The following PCDH11X variants were observed in gnomAD, a reference collection of about 807,000 sequenced individuals.
The protein encoded by PCDH11X is protocadherin-11 X-linked.
Under a neutral mutation model 53.3 loss-of-function variants are expected in PCDH11X, and 18 were observed. That is an observed-to-expected ratio of 0.34 (90% CI 0.23 to 0.50). The LOEUF (loss-of-function observed/expected upper bound fraction) is 0.50. Among genes scored for constraint, PCDH11X ranks in the 20% least tolerant of loss-of-function variants. The pLI is 0.98. For synonymous variants in PCDH11X, 279 were observed against 393.3 expected, an observed-to-expected ratio of 0.71 and a Z score of 3.44; for missense variants, 570 against 1,032.4, an observed-to-expected ratio of 0.55 and a Z score of 6.14.
Position 91,816,185 on chromosome X carries a change from G to A in PCDH11X, c.-45+4890G>A, listed in dbSNP as rs757516878. Among the ~76,000 whole-genome samples the A allele has an allele frequency of 5.4e-5, 6 of 111,364 alleles. No homozygotes were observed. The South Asian group carries it at 1.9e-3, about 35-fold the overall frequency. On this transcript the variant is annotated intron_variant, in intron 4 of 10. Coordinates refer to ENST00000682573, the MANE Select transcript of PCDH11X (RefSeq NM_032968.5). Reference sequence around the variant, plus strand: ...AAATGCCTATATAAGTTTGTTTTATGTATAATTATGTAATAAATTCTGAAA... The same window carrying A: ...AAATGCCTATATAAGTTTGTTTTATATATAATTATGTAATAAATTCTGAAA...
chrX:92,104,872 G>A (rs1005208303), intron 6 of PCDH11X, among the ~76,000 whole-genome samples: 18 of 110,509 alleles, frequency 1.6e-4, no homozygotes, highest in South Asian at 4.0e-4. Context: ...AGGTTGGGGC[G>A]TGGAAATAAG....
At chrX:92,163,317 A>G (rs1479817002) in intron 6 of PCDH11X, among the ~76,000 whole-genome samples, 1 of 109,370 alleles carries the variant, frequency 9.1e-6, no homozygotes, top group Non-Finnish European at 1.9e-5. Flanking sequence ...TCGATTCTGC[A>G]TACCAGATTC....
At chrX:92,012,425 C>T (rs367671026) in intron 6 of PCDH11X, among the ~76,000 whole-genome samples, 2 of 111,235 alleles carry the variant, frequency 1.8e-5, no homozygotes, top group East Asian at 5.6e-4. Flanking sequence ...TTGTAATTGG[C>T]TTCTGTAAGA....
chrX:91,904,279 G>A (rs1474553166), intron 6 of PCDH11X, among the ~76,000 whole-genome samples: 1 of 109,950 alleles, frequency 9.1e-6, no homozygotes, highest in Non-Finnish European at 1.9e-5. Flanking sequence ...ATAAGTAAAT[G>A]GATATTTAGC....
At chrX:92,122,346 A>G (rs1453195715) in intron 6 of PCDH11X, among the ~76,000 whole-genome samples, 1 of 111,370 alleles carries the variant, frequency 9.0e-6, no homozygotes, top group Non-Finnish European at 1.9e-5. Flanking sequence ...CCTATCCCTG[A>G]AATAAATATA....
At chrX:92,342,870 CAAAAA>C (rs954570959) in intron 8 of PCDH11X, among the ~76,000 whole-genome samples, 15 of 111,183 alleles carry the variant, frequency 1.3e-4, no homozygotes, top group African/African-American at 4.9e-4. Flanking sequence ...AAAATAAACT[CAAAAA>C]AGAGAAAAGA....
intron 6 of PCDH11X, among the ~76,000 whole-genome samples, chrX:91,998,095 T>C (rs2062449314): frequency 9.1e-6 from 1 of 110,465 alleles, no homozygotes; most frequent in Admixed American, 9.7e-5. Context: ...CACCATGCCC[T>C]GCTAATTTGT....
At chrX:92,536,152 G>T in intron 10 of PCDH11X, among the ~76,000 whole-genome samples, 1 of 109,417 alleles carries the variant, frequency 9.1e-6, no homozygotes. Flanking sequence ...CAGTCTTTAA[G>T]CTCTGAAATT....
At chrX:91,930,766 C>G (rs12853431) in intron 6 of PCDH11X, among the ~76,000 whole-genome samples, 42,322 of 98,817 alleles carry the variant, frequency 0.43, 8,232 homozygotes, top group East Asian at 0.61. Flanking sequence ...CTTGGAAGTA[C>G]ATTTGATGGC....
intron 6 of PCDH11X, among the ~76,000 whole-genome samples, chrX:92,148,386 C>T (rs1389027290): frequency 1.9e-5 from 2 of 104,727 alleles, no homozygotes; most frequent in Admixed American, 1.1e-4. Context: ...CGCCGCCACA[C>T]CCAGCTAATT....
chrX:92,458,609 A>G (rs1309388328), intron 9 of PCDH11X, among the ~76,000 whole-genome samples: 1 of 111,546 alleles, frequency 9.0e-6, no homozygotes, highest in Non-Finnish European at 1.9e-5. Flanking sequence ...TAGCTGCCAT[A>G]TATGATTGAA....
intron 10 of PCDH11X, among the ~76,000 whole-genome samples, chrX:92,553,034 T>TGTGTGTG (rs2074987325): frequency 1.0e-4 from 11 of 107,338 alleles, no homozygotes; most frequent in East Asian, 2.9e-4. Context: ...TGTGTGTGTG[T>TGTGTGTG]TTCTTGATGT....
intron 10 of PCDH11X, among the ~76,000 whole-genome samples, chrX:92,490,075 A>T (rs967686092): frequency 7.3e-5 from 8 of 109,072 alleles, no homozygotes; most frequent in Non-Finnish European, 1.1e-4. Context: ...AAAAAGCAGA[A>T]AAAAGTTTTC....
rs4252207 is a variant in PCDH11X, at chrX:92,201,468, C to A, written c.3114+13C>A. On this transcript the variant is annotated intron_variant, in intron 7 of 10. Transcript: ENST00000682573. ...TCCCCAACCACAGGTATGGCAAAAG[C>A]CCTATGATTTTTCCTCCCCCTTCCT... The A allele has an allele frequency of 0.19, 207,288 of 1,107,570 alleles. 15,319 individuals are homozygous for A. Among genetic ancestry groups the A allele is most frequent in the Admixed American group, 0.39 (15,269 of 39,085 alleles). 91.3% of individuals were successfully genotyped at this position (1,107,570 alleles called of 1,213,427 possible). A position where few individuals can be genotyped will look rare whatever the true frequency, so the allele number is the denominator to read the frequency against.
At chrX:91,855,536 A>C (rs1938281236) in intron 5 of PCDH11X, among the ~76,000 whole-genome samples, 1 of 108,772 alleles carries the variant, frequency 9.2e-6, no homozygotes, top group Non-Finnish European at 1.9e-5. Context: ...TCTGTGAAGA[A>C]TATCATTGGA....
intron 7 of PCDH11X, among the ~76,000 whole-genome samples, chrX:92,232,549 A>G (rs1158196568): frequency 1.8e-5 from 2 of 111,964 alleles, no homozygotes; most frequent in East Asian, 5.6e-4. Flanking sequence ...ATCAATTAAC[A>G]TAGTTGTGTG....
chrX:92,527,281 T>G (rs1166537639), intron 10 of PCDH11X, among the ~76,000 whole-genome samples: 1 of 111,527 alleles, frequency 9.0e-6, no homozygotes, highest in Non-Finnish European at 1.9e-5. Context: ...ATTGGATTGT[T>G]TTAAATTCAA....
intron 6 of PCDH11X, among the ~76,000 whole-genome samples, chrX:91,972,552 G>A (rs758026972): frequency 4.6e-5 from 5 of 109,787 alleles, no homozygotes; most frequent in African/African-American, 1.0e-4. Flanking sequence ...GTAATGCCTA[G>A]GTTTTCTTCT....
intron 8 of PCDH11X, among the ~76,000 whole-genome samples, chrX:92,283,456 A>G (rs952593726): frequency 9.0e-6 from 1 of 111,560 alleles, no homozygotes; most frequent in Non-Finnish European, 1.9e-5. Context: ...ATCACAATGG[A>G]AGATTTTCTT....
Sources: gnomAD v4.1 joint callset for allele counts (sites outside exome capture counted in the v4.1 genomes callset) on GRCh38, gnomAD v4.1.1 for gene constraint, MANE v1.5 for transcripts, NCBI Gene and HGNC (gene_info 2026-07-23, HGNC 2026-07-21) for gene names.